FRMD1: variants seen among roughly 807,000 people sequenced by gnomAD.
FRMD1 encodes FERM domain containing 1.
FRMD1 carries 51 observed loss-of-function variants against 54.9 expected under a neutral mutation model. That is an observed-to-expected ratio of 0.93 (90% confidence interval 0.74 to 1.17). The LOEUF (loss-of-function observed/expected upper bound fraction) is 1.17, where lower values mean the gene tolerates loss of function less well. Ranked by LOEUF, FRMD1 falls within the 50% of genes most tolerant of loss-of-function variation. FRMD1 has a pLI of 0.00. For missense variants in FRMD1, 729 were observed against 743.0 expected, an observed-to-expected ratio of 0.98 and a Z score of 0.22; for synonymous variants, 324 against 306.4, an observed-to-expected ratio of 1.06 and a Z score of -0.60.
intron 1 of FRMD1, among the ~76,000 whole-genome samples, chr6:168,091,812 C>A (rs1801020364): frequency 6.6e-6 from 1 of 152,228 alleles, no homozygotes; most frequent in Non-Finnish European, 1.5e-5. Context: ...ACAAAACGGC[C>A]TCTGTTCTGC....
intron 6 of FRMD1, among the ~76,000 whole-genome samples, chr6:168,063,347 C>T (rs1193986310): frequency 2.6e-5 from 4 of 151,532 alleles, no homozygotes; most frequent in African/African-American, 9.7e-5. Context: ...ACGGGGGCTC[C>T]ATCCATCCCT....
rs748523218 is a variant in FRMD1 at position 168,060,924 on chromosome 6, G to A, written c.1179C>T (p.His393=). 6.2e-6 allele frequency: 10 copies of A among 1,613,670 alleles called. No individual in the cohort carries two copies. The highest frequency in any genetic ancestry group is 4.4e-5 in the South Asian group (4 of 91,088). The change falls in exon 9 of 11, where the codon CAC becomes CAT. Residue 393 remains histidine, a synonymous_variant. Coordinates refer to ENST00000283309, the MANE Select transcript of FRMD1 (RefSeq NM_024919.6). ...HCLSRHSADS[H]GSSYTSGIKA... is the part of the protein sequence containing the mutation. ...TGATGCCTGACGTGTAGGAACTGCC[G>A]TGGCTGTCGGCGGAGTGGCGTGAGA...
chr6:168,059,048 G>A lies in FRMD1; in HGVS notation c.1407+76C>T. The A allele has an allele frequency of 8.3e-7, 1 of 1,206,388 alleles. No homozygotes were observed. Among genetic ancestry groups the A allele is most frequent in the South Asian group, 1.3e-5 (1 of 76,102 alleles). The allele number at this position is 1,206,388 out of a possible 1,614,324, so 74.7% of individuals were successfully genotyped here. A position where few individuals can be genotyped will look rare whatever the true frequency, so the allele number is the denominator to read the frequency against. On this transcript the variant is annotated intron_variant, in intron 10 of 10. Coordinates refer to ENST00000283309, the MANE Select transcript of FRMD1 (RefSeq NM_024919.6). The surrounding 1 kb of genome is among the most constrained non-coding windows in gnomAD (Gnocchi z 4.4). Reference sequence around the variant, plus strand: ...CTGATAGGCCTAGGAAGGTCCCCAGGGCCCCTGACAGGGGACCTAGGAGAA... The same window carrying A: ...CTGATAGGCCTAGGAAGGTCCCCAGAGCCCCTGACAGGGGACCTAGGAGAA...
chr6:168,064,201 C>G (rs1051572432), intron 5 of FRMD1, among the ~76,000 whole-genome samples: 3 of 152,212 alleles, frequency 2.0e-5, no homozygotes, highest in Non-Finnish European at 4.4e-5. Context: ...TGGCTGGGCC[C>G]CACCCTGACC....
At chr6:168,084,640 C>T (rs948861598), upstream of FRMD1, among the ~76,000 whole-genome samples, 1 of 152,226 alleles carries the variant, frequency 6.6e-6, no homozygotes, top group Non-Finnish European at 1.5e-5. Context: ...GCGTGCAGGA[C>T]CCGGCTCCCT....
intron 6 of FRMD1, among the ~76,000 whole-genome samples, chr6:168,063,209 C>T (rs568668778): frequency 1.3e-5 from 2 of 152,252 alleles, no homozygotes; most frequent in South Asian, 2.1e-4. Flanking sequence ...ATGCCGGGCC[C>T]GGGGTCCTGG....
chr6:168,066,683 AGG>A (rs1236056269), intron 4 of FRMD1, 70 bp downstream of exon 4: 1 of 1,526,734 alleles, frequency 6.5e-7, no homozygotes, highest in African/African-American at 1.4e-5. Context: ...TGTGGCCTTC[AGG>A]GGACTTCCAC....
Position 168,079,185 on chromosome 6 carries a change from T to C in FRMD1, c.-91A>G. 1 of 1,426,892 alleles carries C rather than the reference T, an allele frequency of 7.0e-7. No homozygotes were observed. The highest frequency in any genetic ancestry group is 1.5e-5 in the South Asian group (1 of 65,972). The allele number at this position is 1,426,892 out of a possible 1,614,324, so 88.4% of individuals were successfully genotyped here. A position where few individuals can be genotyped will look rare whatever the true frequency, so the allele number is the denominator to read the frequency against. On this transcript the variant is annotated 5_prime_UTR_variant, in exon 1 of 11. Transcript: ENST00000283309. The stretch of plus-strand genomic sequence containing the variant: ...AGCTGTGCTTTCCGGGACCCGCCCT[T>C]GCCGAGCTTCTCACTGGGAAGGGAA...
intron 2 of FRMD1, among the ~76,000 whole-genome samples, chr6:168,073,842 G>A (rs919717538): frequency 2.6e-5 from 4 of 152,020 alleles, no homozygotes; most frequent in East Asian, 1.9e-4. Context: ...CAGGGTCCCC[G>A]GCTCACTCAC....
At chr6:168,064,833 G>T in intron 5 of FRMD1, 38 bp downstream of exon 5, 1 of 1,528,728 alleles carries the variant, frequency 6.5e-7, no homozygotes, top group South Asian at 1.2e-5. Context: ...ACAGGCACCA[G>T]ACTAGCAGTG....
At chr6:168,079,721 T>C (rs1431586240), upstream of FRMD1, among the ~76,000 whole-genome samples, 1 of 152,164 alleles carries the variant, frequency 6.6e-6, no homozygotes, top group East Asian at 1.9e-4. Context: ...GGACACTTCC[T>C]TCCTTGTCCA....
At chr6:168,057,622 G>A (rs1479211221) in intron 10 of FRMD1, 3 of 458,594 alleles carry the variant, frequency 6.5e-6, no homozygotes, top group Non-Finnish European at 7.9e-6. Flanking sequence ...GACTCTTAGC[G>A]TTTGGTGTAA....
At position 168,059,116 on chromosome 6, in the gene FRMD1, G is replaced by C. The variant is rs1302023038; in HGVS notation, c.1407+8C>G. On this transcript the variant is annotated splice_region_variant and intron_variant, in intron 10 of 10. Coordinates refer to ENST00000283309, the MANE Select transcript of FRMD1 (RefSeq NM_024919.6). This position sits in a 1 kb window ranked among gnomAD's most constrained non-coding sequence, Gnocchi z 4.4. ...GCCAGGGCTTCTGGCCCGTGGGGGG[G>C]ACTCTACCTGGTGCACGGCCTCGGC... 8.3e-6 allele frequency: 13 copies of C among 1,565,422 alleles called. No individual in the cohort carries two copies. The highest frequency in any genetic ancestry group is 1.8e-4 in the Middle Eastern group (1 of 5,406).
upstream of FRMD1, among the ~76,000 whole-genome samples, chr6:168,084,256 T>C (rs1186622482): frequency 1.3e-5 from 2 of 152,158 alleles, no homozygotes; most frequent in Non-Finnish European, 2.9e-5. Context: ...ATGAAACCCA[T>C]GCTTTAGTTA....
chr6:168,088,826 T>C (rs1800965252), intron 1 of FRMD1, among the ~76,000 whole-genome samples: 1 of 43,220 alleles, frequency 2.3e-5, no homozygotes, highest in African/African-American at 5.6e-5. Flanking sequence ...CATAAACACA[T>C]GCGCTACTAA....
intron 3 of FRMD1, chr6:168,067,051 G>T (rs1325405404): frequency 1.4e-6 from 1 of 738,538 alleles, no homozygotes; most frequent in South Asian, 1.5e-5. Context: ...TGCAAAGGCG[G>T]GCTTCGGGCG....
upstream of FRMD1, among the ~76,000 whole-genome samples, chr6:168,084,561 G>T (rs1201522190): frequency 1.3e-5 from 2 of 152,180 alleles, no homozygotes; most frequent in Non-Finnish European, 2.9e-5. Context: ...TGGGGGAGGT[G>T]CATTGAGCTT....
upstream of FRMD1, chr6:168,081,613 G>C: frequency 8.3e-7 from 1 of 1,209,376 alleles, no homozygotes; most frequent in Non-Finnish European, 1.1e-6. Flanking sequence ...GGTCCACAAA[G>C]CACAGGTTTT....
chr6:168,077,356 C>T (rs1352252099), intron 1 of FRMD1, among the ~76,000 whole-genome samples: 1 of 150,748 alleles, frequency 6.6e-6, no homozygotes, highest in African/African-American at 2.4e-5. Flanking sequence ...CAACTGCAGA[C>T]ACAGATGTGC....
Sources: gnomAD v4.1 joint callset for allele counts (sites outside exome capture counted in the v4.1 genomes callset) on GRCh38, gnomAD v4.1.1 for gene constraint, Gnocchi (gnomAD v3.1) non-coding constraint, MANE v1.5 for transcripts, NCBI Gene and HGNC (gene_info 2026-07-23, HGNC 2026-07-21) for gene names.